The following CIT variants were observed in gnomAD, a reference collection of about 807,000 sequenced individuals.
CIT encodes the protein citron Rho-interacting kinase.
Under a neutral mutation model 272.7 loss-of-function variants are expected in CIT, and 79 were observed. That is an observed-to-expected ratio of 0.29 (90% CI 0.24 to 0.35). The LOEUF (loss-of-function observed/expected upper bound fraction) is 0.35, where lower values mean the gene tolerates loss of function less well. CIT is among the 10% of genes least tolerant of loss of function. The probability of loss-of-function intolerance (pLI) is 1.00; values close to 1 mark genes in which losing one functional copy is unlikely to be tolerated. For synonymous variants in CIT, 948 were observed against 995.6 expected, an observed-to-expected ratio of 0.95 and a Z score of 0.90; for missense variants, 1,909 against 2,618.3, an observed-to-expected ratio of 0.73 and a Z score of 5.91.
At chr12:119,739,348 A>C (rs1232887169) in intron 24 of CIT, among the ~76,000 whole-genome samples, 3 of 152,168 alleles carry the variant, frequency 2.0e-5, no homozygotes, top group Non-Finnish European at 4.4e-5. Flanking sequence ...CTTACTGTGC[A>C]TGAGCTTTTT....
intron 47 of CIT, among the ~76,000 whole-genome samples, chr12:119,689,739 G>A (rs532568733): frequency 1.6e-4 from 23 of 141,130 alleles, no homozygotes; most frequent in African/African-American, 4.5e-4. Flanking sequence ...GTGCAGTGGC[G>A]CGATCTCGGC....
At chr12:119,852,121 AT>A (rs1401878968) in intron 4 of CIT, among the ~76,000 whole-genome samples, 1 of 152,222 alleles carries the variant, frequency 6.6e-6, no homozygotes, top group Non-Finnish European at 1.5e-5. Flanking sequence ...TAATCAAGTG[AT>A]CAAAGTGAGC....
intron 32 of CIT, 61 bp from the exon 33 acceptor site, chr12:119,714,395 A>G (rs1302646815): frequency 8.3e-6 from 13 of 1,575,028 alleles, no homozygotes; most frequent in Admixed American, 1.8e-5. Context: ...CAGGAAAGTG[A>G]AAAGACAACC....
intron 7 of CIT, among the ~76,000 whole-genome samples, chr12:119,830,418 C>T (rs534754195): frequency 1.5e-4 from 23 of 151,956 alleles, no homozygotes; most frequent in African/African-American, 5.3e-4. Flanking sequence ...CCAAGAGCTC[C>T]GAAGAGAATG....
rs7131896 is a variant in CIT, at chr12:119,768,236, T to G, written c.2209-1054A>C. Among the ~76,000 whole-genome samples, 37,267 of 152,172 alleles carry G rather than the reference T, an allele frequency of 0.24. 4,817 individuals are homozygous for G. The highest frequency in any genetic ancestry group is 0.35 in the Middle Eastern group (102 of 294). ...CAAGTTTCTAGCTTTTAAACAAAACTGTAATTCACTTGAAAATTGCAGTTC... is the reference window on the plus strand; with the variant it reads ...CAAGTTTCTAGCTTTTAAACAAAACGGTAATTCACTTGAAAATTGCAGTTC... On this transcript the variant is annotated intron_variant, in intron 18 of 47. Transcript: ENST00000392521. The surrounding 1 kb of genome is among the most constrained non-coding windows in gnomAD (Gnocchi z 4.3).
chr12:119,801,537 C>G (rs1050362879), intron 10 of CIT, among the ~76,000 whole-genome samples: 1 of 152,178 alleles, frequency 6.6e-6, no homozygotes, highest in African/African-American at 2.4e-5. Context: ...GACCAACACC[C>G]AAGCAAGCTT....
intron 9 of CIT, among the ~76,000 whole-genome samples, chr12:119,820,226 AAC>A (rs1349236752): frequency 6.6e-6 from 1 of 152,214 alleles, no homozygotes; most frequent in Non-Finnish European, 1.5e-5. Flanking sequence ...TAGTTTTTCA[AAC>A]ACTTAGACAG....
intron 3 of CIT, among the ~76,000 whole-genome samples, chr12:119,865,580 AT>A (rs1237022451): frequency 6.6e-6 from 1 of 152,158 alleles, no homozygotes; most frequent in Non-Finnish European, 1.5e-5. Flanking sequence ...TTAGATATAC[AT>A]TATTCCCAAT....
intron 4 of CIT, among the ~76,000 whole-genome samples, chr12:119,857,133 C>T (rs930745886): frequency 3.9e-5 from 6 of 152,176 alleles, no homozygotes; most frequent in Non-Finnish European, 8.8e-5. Context: ...TGTTTTAAAA[C>T]CAAATCCATA....
chr12:119,713,655 A>G lies in CIT; in HGVS notation c.4307-7T>C. 6.2e-7 allele frequency: 1 copy of G among 1,614,202 alleles called. No homozygotes were observed. On this transcript the variant is annotated splice_region_variant and splice_polypyrimidine_tract_variant and intron_variant, in intron 33 of 47. Transcript: ENST00000392521. This position sits in a 1 kb window ranked among gnomAD's most constrained non-coding sequence, Gnocchi z 5.2. The stretch of plus-strand genomic sequence containing the variant: ...TGACACATCACCTGACATTCTAGGG[A>G]AGAACAGTGAGCAACCTGAGGGCAT...
intron 24 of CIT, 136 bp downstream of exon 24, chr12:119,742,272 TAAG>T: frequency 1.8e-6 from 1 of 567,030 alleles, no homozygotes; most frequent in Non-Finnish European, 2.9e-6. Context: ...AAACTCCAAA[TAAG>T]GTTGATTGCA....
intron 41 of CIT, among the ~76,000 whole-genome samples, chr12:119,703,421 C>CTTTTTTT (rs34483318): frequency 9.5e-6 from 1 of 105,702 alleles, no homozygotes; most frequent in Non-Finnish European, 1.9e-5. Context: ...CTTCATTTCA[C>CTTTTTTT]TTTTTTTTTT....
chr12:119,705,809 G>T (rs1365027993), intron 40 of CIT, among the ~76,000 whole-genome samples: 2 of 143,102 alleles, frequency 1.4e-5, no homozygotes, highest in Non-Finnish European at 3.0e-5. Context: ...AAAAATTTTG[G>T]CCAGGTGCAG....
chr12:119,798,691 T>C (rs1965942665), intron 10 of CIT, among the ~76,000 whole-genome samples: 1 of 152,194 alleles, frequency 6.6e-6, no homozygotes, highest in South Asian at 2.1e-4. Context: ...AGCACAAGTA[T>C]TTACTGCTCC....
intron 28 of CIT, among the ~76,000 whole-genome samples, chr12:119,722,243 C>A: frequency 6.6e-6 from 1 of 152,190 alleles, no homozygotes; most frequent in Non-Finnish European, 1.5e-5. Context: ...CCTGATGAGA[C>A]AGTGCTTGAT....
intron 3 of CIT, among the ~76,000 whole-genome samples, chr12:119,859,865 G>A (rs1218654335): frequency 6.6e-6 from 1 of 151,340 alleles, no homozygotes; most frequent in Non-Finnish European, 1.5e-5. Flanking sequence ...GGAATGCAGT[G>A]GTGAAATCAT....
intron 13 of CIT, among the ~76,000 whole-genome samples, chr12:119,781,184 G>A (rs1341938268): frequency 2.0e-5 from 3 of 152,238 alleles, no homozygotes; most frequent in South Asian, 2.1e-4. Context: ...CAAAGCCAAT[G>A]TGCAGCCTTC....
Position 119,690,570 on chromosome 12 carries a change from T to C in CIT, c.5883-116A>G. On this transcript the variant is annotated intron_variant, in intron 46 of 47. Coordinates refer to ENST00000392521, the MANE Select transcript of CIT (RefSeq NM_001206999.2). The surrounding 1 kb of genome is among the most constrained non-coding windows in gnomAD (Gnocchi z 6.0). Reference sequence around the variant, plus strand: ...AGCCTCACCACTGATTATCAAGAGATTAGACCTGGAGTTCTTTGGACTTTG... The same window carrying C: ...AGCCTCACCACTGATTATCAAGAGACTAGACCTGGAGTTCTTTGGACTTTG... 2.0e-6 allele frequency: 2 copies of C among 996,474 alleles called. No homozygotes were observed. Among genetic ancestry groups the C allele is most frequent in the Non-Finnish European group, 2.8e-6 (2 of 707,180 alleles). 61.7% of individuals were successfully genotyped at this position (996,474 alleles called of 1,614,324 possible). A position where few individuals can be genotyped will look rare whatever the true frequency, so the allele number is the denominator to read the frequency against.
chr12:119,720,623 CA>C lies in CIT; in HGVS notation c.3733-39del, dbSNP rs751494641. 3 of 1,419,772 alleles carry C rather than the reference CA, an allele frequency of 2.1e-6. No individual in the cohort carries two copies. In the East Asian group the frequency reaches 6.9e-5, roughly 33 times the overall value. 87.9% of individuals were successfully genotyped at this position (1,419,772 alleles called of 1,614,324 possible). On this transcript the variant is annotated intron_variant, in intron 29 of 47. Transcript: ENST00000392521. ...AAAACAAACTAACCTCAAATCCAGA[CA>C]GAAGTATACTTTTAAAGTTGGTACT...
Sources: allele counts gnomAD v4.1 joint callset (sites outside exome capture counted in the v4.1 genomes callset), GRCh38; gene constraint gnomAD v4.1.1; non-coding constraint Gnocchi (gnomAD v3.1); transcripts MANE v1.5; gene names NCBI Gene and HGNC (gene_info 2026-07-23, HGNC 2026-07-21).